The following ONECUT1 variants were observed in gnomAD, a reference collection of about 807,000 sequenced individuals.
The protein encoded by ONECUT1 is hepatocyte nuclear factor 6.
Under a neutral mutation model 25.6 loss-of-function variants are expected in ONECUT1, and 12 were observed. That is an observed-to-expected ratio of 0.47 (90% CI 0.30 to 0.76). The LOEUF (loss-of-function observed/expected upper bound fraction) is 0.76. Among genes scored for constraint, ONECUT1 ranks in the 30% least tolerant of loss-of-function variants. ONECUT1 has a pLI of 0.07. For missense variants in ONECUT1, 620 were observed against 651.2 expected (o/e 0.95, Z 0.52); for synonymous variants, 285 against 270.2 (o/e 1.05, Z -0.54).
Position 52,788,716 on chromosome 15 carries a change from C to G in ONECUT1, c.1105+64G>C. ...CCCAGCCCTCTCTCCTACCCTTCCT[C>G]CTTTGGTCCCTTCGGCTTTCGTGTA... On this transcript the variant is annotated intron_variant, in intron 1 of 1. Transcript: ENST00000305901. This position sits in a 1 kb window ranked among gnomAD's most constrained non-coding sequence, Gnocchi z 4.3. The G allele has an allele frequency of 6.5e-7, 1 of 1,531,966 alleles. No homozygotes were observed. Among genetic ancestry groups the G allele is most frequent in the Non-Finnish European group, 8.8e-7 (1 of 1,134,566 alleles). 94.9% of individuals were successfully genotyped at this position (1,531,966 alleles called of 1,614,324 possible). A position where few individuals can be genotyped will look rare whatever the true frequency, so the allele number is the denominator to read the frequency against.
chr15:52,789,774 G>C lies in ONECUT1; in HGVS notation c.111C>G (p.Ser37=). Residue 37 remains serine (S), a synonymous_variant, in exon 1 of 2, where the codon TCC becomes TCG. Transcript: ENST00000305901. The surrounding 1 kb of genome is among the most constrained non-coding windows in gnomAD (Gnocchi z 4.1). The part of the protein sequence containing the change: ...LLGGSPHARS[S]VAHRGSHLPP... ...GCAGGTGGCTGCCGCGGTGCGCCAC[G>C]GAGCTGCGCGCGTGGGGGCTGCCGC... 1 of 1,423,176 alleles carries C rather than the reference G, an allele frequency of 7.0e-7. No homozygotes were observed. The highest frequency in any genetic ancestry group is 2.1e-4 in the Middle Eastern group (1 of 4,670). 88.2% of individuals were successfully genotyped at this position (1,423,176 alleles called of 1,614,324 possible).
intron 1 of ONECUT1, among the ~76,000 whole-genome samples, chr15:52,777,739 A>C (rs78549952): frequency 0.035 from 4,057 of 115,870 alleles, 79 homozygotes; most frequent in Non-Finnish European, 0.042. Context: ...CACACACACA[A>C]AAAAACATGT....
chr15:52,769,245 C>T (rs1162264187), intron 1 of ONECUT1, among the ~76,000 whole-genome samples: 1 of 152,128 alleles, frequency 6.6e-6, no homozygotes, highest in Non-Finnish European at 1.5e-5. Flanking sequence ...AGTTAGTTAC[C>T]TACCCATCTC....
In ONECUT1 at chr15:52,789,438, G is replaced by C. The variant is rs746838677; in HGVS notation, c.447C>G (p.Phe149Leu). 1.4e-4 allele frequency: 220 copies of C among 1,613,768 alleles called. No individual in the cohort carries two copies. Among genetic ancestry groups the C allele is most frequent in the Non-Finnish European group, 1.8e-4 (213 of 1,179,998 alleles). The change falls in exon 1 of 2, where the codon TTC (phenylalanine) becomes TTG (leucine). Residue 149 changes from phenylalanine to leucine, a missense_variant. Phe to Leu is a conservative substitution (Grantham distance 22, BLOSUM62 0). This residue lies in a region of ONECUT1 where 440 missense variants were observed against 404.9 expected (regional missense o/e 1.09). Coordinates refer to ENST00000305901, the MANE Select transcript of ONECUT1 (RefSeq NM_004498.4). This position sits in a 1 kb window ranked among gnomAD's most constrained non-coding sequence, Gnocchi z 4.1. ...GCCCGCGCTCATCCCGCATGAGCGT[G>C]AAGCTACCGCTCACGTTGCCCGCCA... Reference protein sequence around the residue: ...QRLAGNVSGSFTLMRDERGLA... With the variant: ...QRLAGNVSGSLTLMRDERGLA...
At chr15:52,757,960 C>G (rs777676449) in intron 1 of ONECUT1, 113 bp from the exon 2 acceptor site, 3 of 1,131,070 alleles carry the variant, frequency 2.7e-6, no homozygotes, top group Non-Finnish European at 3.8e-6. Flanking sequence ...TTTCTGTTTG[C>G]TGACCTCTGC....
intron 1 of ONECUT1, among the ~76,000 whole-genome samples, chr15:52,759,134 C>T (rs1017226769): frequency 6.6e-6 from 1 of 152,176 alleles, no homozygotes; most frequent in Admixed American, 6.5e-5. Flanking sequence ...ACGGGGCATG[C>T]TTCGTGATGG....
rs57187579 is a variant in ONECUT1, at chr15:52,777,737, C to CACACACAAAA, written c.1105+11042_1105+11043insTTTTGTGTGT. 1.1e-4 allele frequency among the ~76,000 whole-genome samples: 11 copies of CACACACAAAA among 103,456 alleles called. No homozygotes were observed. In the East Asian group the frequency reaches 3.0e-3, roughly 29 times the overall value. 67.9% of individuals were successfully genotyped at this position (103,456 alleles called of 152,430 possible). A position where few individuals can be genotyped will look rare whatever the true frequency, so the allele number is the denominator to read the frequency against. On this transcript the variant is annotated intron_variant, in intron 1 of 1. Transcript: ENST00000305901. ...ACACACACACACACACACACACACA[C>CACACACAAAA]AAAAAAACATGTAAAGTTATTTGTT...
chr15:52,771,436 AGTGT>A (rs60500029), intron 1 of ONECUT1, among the ~76,000 whole-genome samples: 17,419 of 144,828 alleles, frequency 0.12, 1,347 homozygotes, highest in African/African-American at 0.22. Context: ...ATAAAAAGCA[AGTGT>A]GTGTGTGTGT....
intron 1 of ONECUT1, chr15:52,780,948 C>A (rs1596055458): frequency 8.5e-7 from 1 of 1,176,038 alleles, no homozygotes; most frequent in East Asian, 4.1e-5. Context: ...CAGTGTTTGA[C>A]AGAAATTGCA....
rs533125542 is a variant in ONECUT1, at chr15:52,784,021, A to G, written c.1105+4759T>C. ...TTCTAAAAACAAAGGCGCAGCAAGC[A>G]TCCCTTTCTTCGCTGCCGCGGGCTG... On this transcript the variant is annotated intron_variant, in intron 1 of 1. Coordinates refer to ENST00000305901, the MANE Select transcript of ONECUT1 (RefSeq NM_004498.4). The surrounding 1 kb of genome is among the most constrained non-coding windows in gnomAD (Gnocchi z 5.0). Among the ~76,000 whole-genome samples the G allele has an allele frequency of 1.7e-3, 260 of 152,356 alleles. No individual in the cohort carries two copies. The highest frequency in any genetic ancestry group is 6.0e-3 in the African/African-American group (249 of 41,586).
chr15:52,789,329 C>G lies in ONECUT1; in HGVS notation c.556G>C (p.Gly186Arg), dbSNP rs1483480013. ...GQSLSPLSSS[G>R]LGSIHNSQQG... Reference sequence around the variant, plus strand: ...TGGGAGTTGTGGATGCTGCCCAGACCGGAGCTGGAGAGGGGCGAGAGGCTC... The same window carrying G: ...TGGGAGTTGTGGATGCTGCCCAGACGGGAGCTGGAGAGGGGCGAGAGGCTC... Residue 186 changes from glycine (G) to arginine (R), a missense_variant, in exon 1 of 2, where the codon GGT becomes CGT. By Grantham distance (125) the Gly-to-Arg change is moderately radical. This residue lies in a region of ONECUT1 where 440 missense variants were observed against 404.9 expected (regional missense o/e 1.09). Transcript: ENST00000305901. The surrounding 1 kb of genome is among the most constrained non-coding windows in gnomAD (Gnocchi z 4.1). The G allele has an allele frequency of 6.3e-7, 1 of 1,583,432 alleles. No homozygotes were observed. The highest frequency in any genetic ancestry group is 8.6e-7 in the Non-Finnish European group (1 of 1,162,578).
intron 1 of ONECUT1, among the ~76,000 whole-genome samples, chr15:52,775,370 A>G (rs901925096): frequency 6.6e-6 from 1 of 152,024 alleles, no homozygotes; most frequent in Admixed American, 6.6e-5. Flanking sequence ...AAATAATTAA[A>G]AGAAGTAAGA....
In ONECUT1 at chr15:52,755,773, A is replaced by G. The variant is rs1010069191; in HGVS notation, c.*1782T>C. ...ATTAACTTACAGTATCCAATTCTTTACCTAATGGCATAAGGGGCATCCACT... is the reference window on the plus strand; with the variant it reads ...ATTAACTTACAGTATCCAATTCTTTGCCTAATGGCATAAGGGGCATCCACT... On this transcript the variant is annotated 3_prime_UTR_variant, in exon 2 of 2. Transcript: ENST00000305901. 8.5e-5 allele frequency among the ~76,000 whole-genome samples: 13 copies of G among 152,266 alleles called. 1 individual carries two copies. The highest frequency in any genetic ancestry group is 8.5e-4 in the Admixed American group (13 of 15,298).
At chr15:52,783,811 A>G (rs2083856480) in intron 1 of ONECUT1, among the ~76,000 whole-genome samples, 2 of 152,270 alleles carry the variant, frequency 1.3e-5, no homozygotes, top group Admixed American at 1.3e-4. Context: ...CCAAGTACGC[A>G]TCTTTTTTGG....
At chr15:52,771,802 TA>T (rs1214460293) in intron 1 of ONECUT1, among the ~76,000 whole-genome samples, 1 of 152,194 alleles carries the variant, frequency 6.6e-6, no homozygotes, top group Non-Finnish European at 1.5e-5. Context: ...GGATGCCCAA[TA>T]AATTGGAGAG....
rs2141468785 is a variant in ONECUT1, at chr15:52,790,037, CCGT to C, written c.-156_-154del. The C allele has an allele frequency of 2.2e-5, 26 of 1,157,118 alleles. No homozygotes were observed. The highest frequency in any genetic ancestry group is 2.9e-4 in the Middle Eastern group (1 of 3,484). The allele number at this position is 1,157,118 out of a possible 1,614,324, so 71.7% of individuals were successfully genotyped here. Reference sequence around the variant, plus strand: ...GCTCTGTCTCTCTCTCTCTCTCTCTCCGTGTGTGTGTGTCCGTGTGTGCGTGTG... The same window carrying C: ...GCTCTGTCTCTCTCTCTCTCTCTCTCGTGTGTGTGTCCGTGTGTGCGTGTG... On this transcript the variant is annotated 5_prime_UTR_variant, in exon 1 of 2. Transcript: ENST00000305901.
At position 52,757,791 on chromosome 15, in the gene ONECUT1, G is replaced by A. The variant is rs2141443367; in HGVS notation, c.1162C>T (p.Pro388Ser). The change falls in exon 2 of 2, where the codon CCC becomes TCC. Residue 388 changes from proline (P) to serine (S), a missense_variant. Pro to Ser is a moderately conservative substitution (Grantham distance 74). This residue lies in a region of ONECUT1 where 146 missense variants were observed against 201.8 expected (regional missense o/e 0.72). Coordinates refer to ENST00000305901, the MANE Select transcript of ONECUT1 (RefSeq NM_004498.4). The stretch of plus-strand genomic sequence containing the variant: ...TGGACATCTGTGAAGACCAACCTGG[G>A]CTTTTTGGGTGTGTTGCCTCTATCC... The part of the protein sequence containing the change: ...GKDRGNTPKK[P>S]RLVFTDVQRR... 4 of 1,614,140 alleles carry A rather than the reference G, an allele frequency of 2.5e-6. No homozygotes were observed. The East Asian group carries it at 8.9e-5, about 36-fold the overall frequency.
Position 52,784,513 on chromosome 15 carries a change from G to C in ONECUT1, c.1105+4267C>G, listed in dbSNP as rs2083861345. Among the ~76,000 whole-genome samples the C allele has an allele frequency of 6.6e-6, 1 of 152,138 alleles. No individual in the cohort carries two copies. Among genetic ancestry groups the C allele is most frequent in the Non-Finnish European group, 1.5e-5 (1 of 68,018 alleles). On this transcript the variant is annotated intron_variant, in intron 1 of 1. Transcript: ENST00000305901. This position sits in a 1 kb window ranked among gnomAD's most constrained non-coding sequence, Gnocchi z 5.0. ...CAGCCCCCCTTAAGCCCCAGAAGTA[G>C]GTTTCCCCTGCCCCAGCCATAGCGG...
Position 52,789,068 on chromosome 15 carries a change from G to T in ONECUT1, c.817C>A (p.Pro273Thr), listed in dbSNP as rs761735221. The change falls in exon 1 of 2, where the codon CCT becomes ACT. Residue 273 changes from proline (P) to threonine (T), a missense_variant. Coordinates refer to ENST00000305901, the MANE Select transcript of ONECUT1 (RefSeq NM_004498.4). The surrounding 1 kb of genome is among the most constrained non-coding windows in gnomAD (Gnocchi z 4.1). ...QLLGTAREPNPSVTGAQVSNG... is the reference protein window; with the variant it reads ...QLLGTAREPNTSVTGAQVSNG... ...CTGACCTGCGCGCCGGTCACCGAAG[G>T]GTTGGGCTCCCGGGCTGTGCCCAGG... 3 of 1,602,614 alleles carry T rather than the reference G, an allele frequency of 1.9e-6. No individual in the cohort carries two copies. Among genetic ancestry groups the T allele is most frequent in the Admixed American group, 3.3e-5 (2 of 60,030 alleles).
Sources: allele counts gnomAD v4.1 joint callset (sites outside exome capture counted in the v4.1 genomes callset), GRCh38; gene constraint gnomAD v4.1.1; regional missense constraint gnomAD v4.1.1; non-coding constraint Gnocchi (gnomAD v3.1); transcripts MANE v1.5; gene names NCBI Gene and HGNC (gene_info 2026-07-23, HGNC 2026-07-21).